The following TENM4 variants were observed in gnomAD, a reference collection of about 807,000 sequenced individuals.
TENM4 encodes the protein teneurin transmembrane protein 4, also known as teneurin-4.
In TENM4, 82 loss-of-function variants were observed where a neutral mutation model predicts 243.3. The ratio of observed to expected loss-of-function variants is 0.34; its 90% CI spans 0.28 to 0.40. TENM4 has a LOEUF of 0.40. TENM4 is among the 10% of genes least tolerant of loss of function. The pLI, the probability that TENM4 is intolerant of heterozygous loss-of-function variation, is 1.00. For synonymous variants in TENM4, 1,412 were observed against 1,456.3 expected (o/e 0.97, Z 0.69); for missense variants, 3,138 against 3,673.3 (o/e 0.85, Z 3.77).
Position 79,378,070 on chromosome 11 carries a change from C to T in TENM4, c.-321+62439G>A, listed in dbSNP as rs1457061230. ...CCTTGAGAATTGACTTTTCTAGACC[C>T]ACTGGTCTAAAATTTTTATTTTAAA... On this transcript the variant is annotated intron_variant, in intron 1 of 33. Coordinates refer to ENST00000278550, the MANE Select transcript of TENM4 (RefSeq NM_001098816.3). Among the ~76,000 whole-genome samples the T allele has an allele frequency of 2.0e-5, 3 of 152,170 alleles. No individual in the cohort carries two copies. The East Asian group carries it at 5.8e-4, about 29-fold the overall frequency.
At position 78,812,166 on chromosome 11, in the gene TENM4, G is replaced by A. The variant is rs1312267163; in HGVS notation, c.1934C>T (p.Thr645Ile). ...CTTGTAGCCAGGGTTGCAGATGCAG[G>A]TGCCCGTGATGCAGGTGCCATGGTT... ...CSNHGTCITG[T>I]CICNPGYKGE... The change falls in exon 14 of 34, where the codon ACC becomes ATC. Residue 645 changes from threonine (T) to isoleucine (I), a missense_variant. By Grantham distance (89) the Thr-to-Ile change is moderately conservative (BLOSUM62 -1). Around this residue, in one of 2 missense-constraint regions of TENM4, gnomAD observed 2,467 missense variants for 3,059.1 expected, o/e 0.81. Coordinates refer to ENST00000278550, the MANE Select transcript of TENM4 (RefSeq NM_001098816.3). 2 of 1,551,738 alleles carry A rather than the reference G, an allele frequency of 1.3e-6. No homozygotes were observed. Among genetic ancestry groups the A allele is most frequent in the Admixed American group, 3.9e-5 (2 of 51,006 alleles).
At chr11:79,015,924 T>C (rs1858762889) in intron 6 of TENM4, among the ~76,000 whole-genome samples, 1 of 152,096 alleles carries the variant, frequency 6.6e-6, no homozygotes. Flanking sequence ...GTGAGTTAGA[T>C]TGGACCTAAA....
chr11:78,660,190 G>A (rs567209843), intron 33 of TENM4, among the ~76,000 whole-genome samples: 7 of 152,320 alleles, frequency 4.6e-5, no homozygotes, highest in African/African-American at 1.4e-4. Flanking sequence ...GGTGGGAACT[G>A]GAGAGGCTGG....
intron 16 of TENM4, 86 bp from the exon 17 acceptor site, chr11:78,778,714 G>A (rs536040590): frequency 2.3e-6 from 3 of 1,288,154 alleles, no homozygotes; most frequent in African/African-American, 1.5e-5. Flanking sequence ...ATGCTACACA[G>A]ACAAAGGGAT....
chr11:79,340,736 C>T (rs771883507), intron 1 of TENM4, among the ~76,000 whole-genome samples: 1 of 152,130 alleles, frequency 6.6e-6, no homozygotes, highest in Non-Finnish European at 1.5e-5. Flanking sequence ...ATCCATCTGG[C>T]AAACTCCTAC....
chr11:79,425,986 G>A (rs1859040395), intron 1 of TENM4, among the ~76,000 whole-genome samples: 1 of 152,172 alleles, frequency 6.6e-6, no homozygotes, highest in Non-Finnish European at 1.5e-5. Flanking sequence ...GTGCCAAAAT[G>A]TGGGGGTCTT....
At chr11:79,113,432 C>T (rs377174492) in intron 4 of TENM4, among the ~76,000 whole-genome samples, 8 of 122,302 alleles carry the variant, frequency 6.5e-5, no homozygotes, top group African/African-American at 1.6e-4. Context: ...GTGTGTGTGA[C>T]AGAGAGAGAG....
intron 12 of TENM4, among the ~76,000 whole-genome samples, chr11:78,820,568 GA>G (rs1367748190): frequency 1.3e-5 from 2 of 152,196 alleles, no homozygotes; most frequent in Admixed American, 1.3e-4. Flanking sequence ...GGACCTGGCA[GA>G]GCTGGTATTT....
chr11:79,018,256 G>A (rs1194575566), intron 6 of TENM4, among the ~76,000 whole-genome samples: 4 of 152,244 alleles, frequency 2.6e-5, no homozygotes, highest in East Asian at 1.9e-4. Context: ...TATTAGCAGC[G>A]ATCCCATTCA....
At position 78,702,247 on chromosome 11, in the gene TENM4, A is replaced by C; in HGVS notation, c.4366T>G (p.Phe1456Val). ...MHCQVPGIDH[F>V]LLSKVAIHAT... ...TGGATGGCCACCTTGCTTAGCAGGA[A>C]GTGGTCAATGCCAGGGACCTGGCAG... The change falls in exon 28 of 34, where the codon TTC (phenylalanine) becomes GTC (valine). Residue 1456 changes from phenylalanine (F) to valine (V), a missense_variant. Around this residue, in one of 2 missense-constraint regions of TENM4, gnomAD observed 2,467 missense variants for 3,059.1 expected, o/e 0.81. Transcript: ENST00000278550. 6.2e-7 allele frequency: 1 copy of C among 1,614,060 alleles called. No homozygotes were observed. The highest frequency in any genetic ancestry group is 8.5e-7 in the Non-Finnish European group (1 of 1,179,892).
At chr11:79,132,326 A>G (rs1426799792) in intron 4 of TENM4, among the ~76,000 whole-genome samples, 1 of 135,004 alleles carries the variant, frequency 7.4e-6, no homozygotes. Flanking sequence ...GGCCTGGGAG[A>G]AAGAGCAAGA....
chr11:79,202,534 A>T (rs974162065), intron 3 of TENM4, among the ~76,000 whole-genome samples: 1 of 152,240 alleles, frequency 6.6e-6, no homozygotes, highest in Non-Finnish European at 1.5e-5. Context: ...GAAGCTTCTT[A>T]ACCTGGAGCC....
intron 6 of TENM4, among the ~76,000 whole-genome samples, chr11:78,978,834 G>A (rs576376442): frequency 2.0e-5 from 3 of 152,298 alleles, no homozygotes; most frequent in African/African-American, 4.8e-5. Flanking sequence ...GGAGAGCAGA[G>A]TCTGACTGCT....
intron 14 of TENM4, among the ~76,000 whole-genome samples, chr11:78,810,878 C>A (rs1857484791): frequency 6.6e-6 from 1 of 152,176 alleles, no homozygotes; most frequent in Non-Finnish European, 1.5e-5. Flanking sequence ...TGCCAGGGTG[C>A]TAGATGGCAG....
intron 6 of TENM4, among the ~76,000 whole-genome samples, chr11:78,929,237 C>T (rs1409410033): frequency 6.6e-6 from 1 of 152,170 alleles, no homozygotes; most frequent in African/African-American, 2.4e-5. Context: ...GGAGGGTGAA[C>T]ACGGCTGTCA....
intron 3 of TENM4, among the ~76,000 whole-genome samples, chr11:79,166,484 T>A (rs1862917423): frequency 6.6e-6 from 1 of 152,188 alleles, no homozygotes; most frequent in South Asian, 2.1e-4. Context: ...GAATTATAGA[T>A]CTGGAAGCTT....
rs567004561 is a variant in TENM4 at position 78,976,423 on chromosome 11, A to C, written c.494-72900T>G. Reference sequence around the variant, plus strand: ...ATTTCAATAAAAAGTTTAAAAAAAAAACCAGAAAGCCATGTGGTGTGGATA... The same window carrying C: ...ATTTCAATAAAAAGTTTAAAAAAAACACCAGAAAGCCATGTGGTGTGGATA... On this transcript the variant is annotated intron_variant, in intron 6 of 33. Transcript: ENST00000278550. 2.6e-5 allele frequency among the ~76,000 whole-genome samples: 4 copies of C among 152,326 alleles called. No homozygotes were observed. In the South Asian group the frequency reaches 8.3e-4, roughly 32 times the overall value.
At chr11:79,140,951 C>T (rs72935311) in intron 4 of TENM4, among the ~76,000 whole-genome samples, 8,391 of 152,036 alleles carry the variant, frequency 0.055, 336 homozygotes, top group Non-Finnish European at 0.078. Context: ...CTGACTCTAC[C>T]GTCTGTGGGT....
intron 6 of TENM4, among the ~76,000 whole-genome samples, chr11:79,040,428 C>A (rs999366864): frequency 2.6e-5 from 4 of 152,216 alleles, no homozygotes; most frequent in African/African-American, 7.2e-5. Context: ...GGCCTCCTGC[C>A]TCCTTTCTGT....
Sources: gnomAD v4.1 joint callset for allele counts (sites outside exome capture counted in the v4.1 genomes callset) on GRCh38, gnomAD v4.1.1 for gene constraint, gnomAD v4.1.1 regional missense constraint, MANE v1.5 for transcripts, NCBI Gene and HGNC (gene_info 2026-07-23, HGNC 2026-07-21) for gene names.